Variants in SPSB1 observed in about 807,000 individuals in gnomAD.
SPSB1 encodes the protein SPRY domain-containing SOCS box protein 1.
A neutral mutation model predicts 21.2 loss-of-function variants in SPSB1; 8 were observed. The ratio of observed to expected loss-of-function variants is 0.38; its 90% CI spans 0.22 to 0.68. The LOEUF (loss-of-function observed/expected upper bound fraction) is 0.68. Ranked by LOEUF, SPSB1 falls within the 30% of genes least tolerant of loss-of-function variation. SPSB1 has a pLI of 0.53. For missense variants in SPSB1, 242 were observed against 377.8 expected (o/e 0.64, Z 2.98); for synonymous variants, 169 against 161.7 (o/e 1.05, Z -0.34).
In SPSB1 at chr1:9,305,431, C is replaced by G. The variant is rs1001170401; in HGVS notation, c.-150+12360C>G. Among the ~76,000 whole-genome samples the G allele has an allele frequency of 6.6e-6, 1 of 152,176 alleles. No individual in the cohort carries two copies. The highest frequency in any genetic ancestry group is 2.1e-4 in the South Asian group (1 of 4,830). ...CTGTGGGCTCCAGGAGGGCAGGACC[C>G]GGCCGGCCACATGGCTGTTGTTCAC... On this transcript the variant is annotated intron_variant, in intron 1 of 2. Transcript: ENST00000328089. The surrounding 1 kb of genome is among the most constrained non-coding windows in gnomAD (Gnocchi z 4.8).
intron 1 of SPSB1, among the ~76,000 whole-genome samples, chr1:9,325,748 G>A (rs1557453529): frequency 1.3e-5 from 2 of 152,290 alleles, no homozygotes; most frequent in African/African-American, 2.4e-5. Flanking sequence ...AGCATGGCAC[G>A]GGGGCAAAGG....
chr1:9,366,652 C>T (rs1444924819), intron 2 of SPSB1, among the ~76,000 whole-genome samples: 3 of 151,384 alleles, frequency 2.0e-5, no homozygotes, highest in Admixed American at 6.6e-5. Context: ...CAGCCCACTG[C>T]AACCTCCATC....
chr1:9,344,119 G>A (rs1240540574), intron 1 of SPSB1, among the ~76,000 whole-genome samples: 2 of 152,180 alleles, frequency 1.3e-5, no homozygotes, highest in Non-Finnish European at 2.9e-5. Flanking sequence ...TGGTACAAGT[G>A]TAATCCTGAT....
chr1:9,364,321 C>T (rs1461320698), intron 2 of SPSB1, among the ~76,000 whole-genome samples: 1 of 152,262 alleles, frequency 6.6e-6, no homozygotes, highest in Admixed American at 6.5e-5. Context: ...AGACCTACTC[C>T]CGACAGCCAG....
intron 2 of SPSB1, among the ~76,000 whole-genome samples, chr1:9,362,959 A>C (rs12401761): frequency 0.26 from 39,345 of 152,222 alleles, 5,472 homozygotes; most frequent in Non-Finnish European, 0.31. Flanking sequence ...GCCACAGTGC[A>C]GGTGCCCACC....
chr1:9,359,340 G>A (rs566990320), intron 2 of SPSB1, among the ~76,000 whole-genome samples: 9 of 152,326 alleles, frequency 5.9e-5, no homozygotes, highest in Non-Finnish European at 1.0e-4. Flanking sequence ...GGGTGTTAGC[G>A]CTGCCAGCCT....
At chr1:9,330,498 G>A (rs531039532) in intron 1 of SPSB1, among the ~76,000 whole-genome samples, 55 of 116,350 alleles carry the variant, frequency 4.7e-4, no homozygotes, top group Middle Eastern at 8.3e-3. Flanking sequence ...TAATAATAAA[G>A]ATTTGCCAGT....
At chr1:9,323,326 G>A (rs906254761) in intron 1 of SPSB1, among the ~76,000 whole-genome samples, 9 of 150,152 alleles carry the variant, frequency 6.0e-5, no homozygotes, top group African/African-American at 2.2e-4. Context: ...GCCCCTTGGC[G>A]GGGCGCTCAG....
At chr1:9,332,711 A>G (rs1557456053) in intron 1 of SPSB1, among the ~76,000 whole-genome samples, 1 of 152,240 alleles carries the variant, frequency 6.6e-6, no homozygotes. Context: ...TCACAAAACT[A>G]GGAGCGTTTC....
rs558708569 is a variant in SPSB1 at position 9,307,869 on chromosome 1, C to T, written c.-150+14798C>T. On this transcript the variant is annotated intron_variant, in intron 1 of 2. Coordinates refer to ENST00000328089, the MANE Select transcript of SPSB1 (RefSeq NM_025106.4). The stretch of plus-strand genomic sequence containing the variant: ...AATCCATGATGTGGTCTTCGGGGTG[C>T]GCGTGGCCCCTCCCAGGCTTACCCT... Among the ~76,000 whole-genome samples, 18 of 152,262 alleles carry T rather than the reference C, an allele frequency of 1.2e-4. No individual in the cohort carries two copies. In the South Asian group the frequency reaches 2.1e-3, roughly 18 times the overall value.
intron 1 of SPSB1, among the ~76,000 whole-genome samples, chr1:9,311,033 C>T (rs1639511394): frequency 6.6e-6 from 1 of 152,048 alleles, no homozygotes; most frequent in Non-Finnish European, 1.5e-5. Flanking sequence ...TCCTATCGGG[C>T]CAATTTGGAG....
chr1:9,303,015 G>A (rs1320654728), intron 1 of SPSB1, among the ~76,000 whole-genome samples: 3 of 152,102 alleles, frequency 2.0e-5, no homozygotes, highest in African/African-American at 7.3e-5. Flanking sequence ...TCCATTGAAC[G>A]GGGGGTAAGG....
chr1:9,354,825 G>T (rs969006014), intron 1 of SPSB1, among the ~76,000 whole-genome samples: 1 of 151,994 alleles, frequency 6.6e-6, no homozygotes, highest in African/African-American at 2.4e-5. Flanking sequence ...TTCTTCCTGG[G>T]CTACCAGTGG....
At chr1:9,314,667 G>A (rs1421501147) in intron 1 of SPSB1, among the ~76,000 whole-genome samples, 1 of 152,202 alleles carries the variant, frequency 6.6e-6, no homozygotes, top group Non-Finnish European at 1.5e-5. Context: ...TTCTTACATC[G>A]TCTTGTTTTT....
At chr1:9,294,204 TTGTGTC>T (rs1418457873) in intron 1 of SPSB1, among the ~76,000 whole-genome samples, 1 of 151,490 alleles carries the variant, frequency 6.6e-6, no homozygotes, top group Non-Finnish European at 1.5e-5. Context: ...CTCTGTGTCT[TTGTGTC>T]TGTGTGTGTC....
chr1:9,310,086 C>T (rs1164803458), intron 1 of SPSB1, among the ~76,000 whole-genome samples: 1 of 150,912 alleles, frequency 6.6e-6, no homozygotes, highest in Non-Finnish European at 1.5e-5. Context: ...GTGATGATGC[C>T]TCTGCACCTG....
intron 1 of SPSB1, chr1:9,339,375 C>A: frequency 2.3e-6 from 2 of 879,598 alleles, no homozygotes; most frequent in Non-Finnish European, 2.7e-6. Context: ...CACCGCCAGG[C>A]CAGGTTCTGG....
chr1:9,293,642 C>T lies in SPSB1; in HGVS notation c.-150+571C>T, dbSNP rs1172392599. On this transcript the variant is annotated intron_variant, in intron 1 of 2. Transcript: ENST00000328089. The surrounding 1 kb of genome is among the most constrained non-coding windows in gnomAD (Gnocchi z 5.1). ...CGCCGCCCCGGAGCCGCCGCGGCTT[C>T]TCCCAGCAGCGGAGGGAGAGCCGGA... Among the ~76,000 whole-genome samples, 1 of 152,174 alleles carries T rather than the reference C, an allele frequency of 6.6e-6. No homozygotes were observed. Among genetic ancestry groups the T allele is most frequent in the African/African-American group, 2.4e-5 (1 of 41,460 alleles).
At chr1:9,352,514 G>A (rs1268294790) in intron 1 of SPSB1, among the ~76,000 whole-genome samples, 1 of 152,204 alleles carries the variant, frequency 6.6e-6, no homozygotes, top group Non-Finnish European at 1.5e-5. Context: ...GACAACAGCA[G>A]AGACTGTCTG....
Sources: gnomAD v4.1 joint callset for allele counts (sites outside exome capture counted in the v4.1 genomes callset) on GRCh38, gnomAD v4.1.1 for gene constraint, Gnocchi (gnomAD v3.1) non-coding constraint, MANE v1.5 for transcripts, NCBI Gene and HGNC (gene_info 2026-07-23, HGNC 2026-07-21) for gene names.